Variants in SLC35F4 observed in about 807,000 individuals in gnomAD.
SLC35F4 encodes chromosome 14 open reading frame 36.
Under a neutral mutation model 44.2 loss-of-function variants are expected in SLC35F4, and 24 were observed. That is an observed-to-expected ratio of 0.54 (90% confidence interval 0.39 to 0.76). SLC35F4 has a LOEUF of 0.76. Among genes scored for constraint, SLC35F4 ranks in the 30% least tolerant of loss-of-function variants. The probability of loss-of-function intolerance (pLI) is 0.00; values close to 1 mark genes in which losing one functional copy is unlikely to be tolerated. For missense variants in SLC35F4, 562 were observed against 586.1 expected (o/e 0.96, Z 0.42); for synonymous variants, 238 against 223.6 (o/e 1.06, Z -0.57).
intron 1 of SLC35F4, among the ~76,000 whole-genome samples, chr14:57,884,518 T>A (rs1168638409): frequency 6.6e-6 from 1 of 152,166 alleles, no homozygotes; most frequent in African/African-American, 2.4e-5. Context: ...CCAAAGGGAA[T>A]AGTTTATGAG....
At chr14:57,570,975 T>A (rs757788743) in intron 5 of SLC35F4, among the ~76,000 whole-genome samples, 6 of 152,200 alleles carry the variant, frequency 3.9e-5, no homozygotes, top group Admixed American at 2.0e-4. Flanking sequence ...TGAACATTTG[T>A]CAAGCTTGTC....
At chr14:57,597,068 T>G (rs1005088099) in intron 1 of SLC35F4, among the ~76,000 whole-genome samples, 4 of 152,236 alleles carry the variant, frequency 2.6e-5, no homozygotes, top group African/African-American at 7.2e-5. Context: ...AAGGCAACCC[T>G]GACAAATATA....
intron 1 of SLC35F4, among the ~76,000 whole-genome samples, chr14:57,751,034 C>T: frequency 6.6e-6 from 1 of 152,200 alleles, no homozygotes; most frequent in Non-Finnish European, 1.5e-5. Flanking sequence ...GCATCAGCAT[C>T]ATCATTACAG....
intron 1 of SLC35F4, among the ~76,000 whole-genome samples, chr14:57,734,520 A>T (rs1431652705): frequency 1.3e-5 from 2 of 152,166 alleles, no homozygotes; most frequent in Admixed American, 1.3e-4. Context: ...AGTTTTCCCC[A>T]TGGCTAGACT....
chr14:57,968,461 A>G (rs1880957441), intron 1 of SLC35F4, among the ~76,000 whole-genome samples: 1 of 152,180 alleles, frequency 6.6e-6, no homozygotes, highest in Admixed American at 6.5e-5. Context: ...TGACCTACTG[A>G]TAGTCATTTA....
chr14:57,623,813 A>G (rs1383370528), intron 1 of SLC35F4, among the ~76,000 whole-genome samples: 16 of 152,380 alleles, frequency 1.1e-4, no homozygotes, highest in African/African-American at 3.6e-4. Context: ...GTGTAGTGGG[A>G]AATTTATAGC....
chr14:57,851,010 G>T (rs1350958242), intron 1 of SLC35F4, among the ~76,000 whole-genome samples: 2 of 152,140 alleles, frequency 1.3e-5, no homozygotes, highest in African/African-American at 4.8e-5. Context: ...AAAGCTAGTA[G>T]ATCTCTAATT....
At position 57,601,835 on chromosome 14, in the gene SLC35F4, C is replaced by T. The variant is rs2070843229; in HGVS notation, c.104-7711G>A. On this transcript the variant is annotated intron_variant, in intron 1 of 7. Transcript: ENST00000556826. ...CAAAAAGCCTTGTGTATATTATCTC[C>T]AGACCTCACAACAATACTTGTGGGT... is the stretch of plus-strand genomic sequence containing the variant. Among the ~76,000 whole-genome samples the T allele has an allele frequency of 2.0e-5, 3 of 152,220 alleles. 1 individual carries two copies. The highest frequency in any genetic ancestry group is 2.4e-5 in the African/African-American group (1 of 41,526).
intron 1 of SLC35F4, among the ~76,000 whole-genome samples, chr14:57,830,250 G>C (rs1021980831): frequency 7.2e-5 from 11 of 152,038 alleles, no homozygotes; most frequent in Admixed American, 5.2e-4. Flanking sequence ...TGGTCAAATT[G>C]ATCAATCTCT....
At chr14:57,830,119 A>G (rs1233464912) in intron 1 of SLC35F4, among the ~76,000 whole-genome samples, 1 of 152,250 alleles carries the variant, frequency 6.6e-6, no homozygotes, top group East Asian at 1.9e-4. Flanking sequence ...ACCTACAAAA[A>G]AAAAGTAATG....
chr14:57,572,062 C>T, intron 4 of SLC35F4, 43 bp from the exon 5 acceptor site: 1 of 1,585,528 alleles, frequency 6.3e-7, no homozygotes, highest in Non-Finnish European at 8.6e-7. Context: ...AATGATCCCT[C>T]TGTATCCTAG....
intron 1 of SLC35F4, among the ~76,000 whole-genome samples, chr14:57,907,865 G>T (rs1889134739): frequency 6.6e-6 from 1 of 151,982 alleles, no homozygotes; most frequent in African/African-American, 2.4e-5. Context: ...TACAGAACGT[G>T]CAGGGTTGTT....
chr14:57,953,012 G>A (rs1448572310), intron 1 of SLC35F4, among the ~76,000 whole-genome samples: 1 of 152,050 alleles, frequency 6.6e-6, no homozygotes, highest in Non-Finnish European at 1.5e-5. Context: ...TGAAATGAAG[G>A]AAAAAATGTT....
chr14:57,679,341 A>T (rs554762106), intron 1 of SLC35F4, among the ~76,000 whole-genome samples: 1 of 152,264 alleles, frequency 6.6e-6, no homozygotes, highest in South Asian at 2.1e-4. Context: ...ACAAAGACAC[A>T]GTGTACCAGA....
chr14:57,599,920 C>G (rs2070715817), intron 1 of SLC35F4, among the ~76,000 whole-genome samples: 1 of 151,962 alleles, frequency 6.6e-6, no homozygotes, highest in South Asian at 2.1e-4. Flanking sequence ...GGAAATACTC[C>G]CTCCCTTTGA....
intron 1 of SLC35F4, among the ~76,000 whole-genome samples, chr14:57,768,242 C>CT (rs757584857): frequency 6.6e-6 from 1 of 152,088 alleles, no homozygotes; most frequent in Admixed American, 6.5e-5. Flanking sequence ...CATCAAAATG[C>CT]TTTTTTCAGT....
At chr14:57,658,654 C>T (rs1486622183) in intron 1 of SLC35F4, among the ~76,000 whole-genome samples, 1 of 152,094 alleles carries the variant, frequency 6.6e-6, no homozygotes, top group Non-Finnish European at 1.5e-5. Context: ...AAACTGAGAT[C>T]CAGTTTAAAA....
At chr14:57,803,788 C>T (rs1424516631) in intron 1 of SLC35F4, among the ~76,000 whole-genome samples, 1 of 151,836 alleles carries the variant, frequency 6.6e-6, no homozygotes, top group African/African-American at 2.4e-5. Context: ...CAGGGTTTCA[C>T]CACATTGGCC....
At chr14:57,816,346 AC>A (rs1882589377) in intron 1 of SLC35F4, among the ~76,000 whole-genome samples, 1 of 152,150 alleles carries the variant, frequency 6.6e-6, no homozygotes, top group Non-Finnish European at 1.5e-5. Context: ...CAACTCAGGC[AC>A]CAACACAGGA....
Sources: gnomAD v4.1 joint callset for allele counts (sites outside exome capture counted in the v4.1 genomes callset) on GRCh38, gnomAD v4.1.1 for gene constraint, MANE v1.5 for transcripts, NCBI Gene and HGNC (gene_info 2026-07-23, HGNC 2026-07-21) for gene names.